The following USP53 variants were observed in gnomAD, a reference collection of about 807,000 sequenced individuals.
The protein encoded by USP53 is ubiquitin specific peptidase 53.
A neutral mutation model predicts 94.9 loss-of-function variants in USP53; 71 were observed. The ratio of observed to expected loss-of-function variants is 0.75; its 90% confidence interval spans 0.62 to 0.91. USP53 has a LOEUF of 0.91. Among genes scored for constraint, USP53 ranks in the 40% least tolerant of loss-of-function variants. The pLI, the probability that USP53 is intolerant of heterozygous loss-of-function variation, is 0.00. For missense variants in USP53, 1,173 were observed against 1,281.0 expected, an observed-to-expected ratio of 0.92 and a Z score of 1.29; for synonymous variants, 375 against 422.7, an observed-to-expected ratio of 0.89 and a Z score of 1.39.
Position 119,214,131 on chromosome 4 carries a change from A to AC in USP53, c.-880_-879insC, listed in dbSNP as rs1450913378. 2 of 151,736 alleles carry AC rather than the reference A, an allele frequency of 1.3e-5. No individual in the cohort carries two copies. The highest frequency in any genetic ancestry group is 4.8e-5 in the African/African-American group (2 of 41,322). 9.4% of individuals were successfully genotyped at this position (151,736 alleles called of 1,614,324 possible). On this transcript the variant is annotated 5_prime_UTR_variant, in exon 2 of 19. Coordinates refer to ENST00000692078, the MANE Select transcript of USP53 (RefSeq NM_001371395.1). ...TGTTAAAGATAAATTAAAAAAAAAA[A>AC]AAAAAAACCAAAGGGAACAAAACTT...
At chr4:119,220,678 T>G (rs1744393014) in intron 3 of USP53, 1 of 152,246 alleles carries the variant, frequency 6.6e-6, no homozygotes, top group South Asian at 2.1e-4. Flanking sequence ...AATATATTTA[T>G]GTATTTAAAC....
Position 119,291,965 on chromosome 4 carries a change from G to A in USP53, c.2349-373G>A, listed in dbSNP as rs548669234. Among the ~76,000 whole-genome samples the A allele has an allele frequency of 1.2e-4, 18 of 152,166 alleles. No homozygotes were observed. In the South Asian group the frequency reaches 3.5e-3, roughly 30 times the overall value. Reference sequence around the variant, plus strand: ...CCTTTAAAGTTTGGAATGTTGGTGGGGAGATGTTTTAGAGTACTGTTTGAC... The same window carrying A: ...CCTTTAAAGTTTGGAATGTTGGTGGAGAGATGTTTTAGAGTACTGTTTGAC... On this transcript the variant is annotated intron_variant, in intron 18 of 18. Transcript: ENST00000692078.
chr4:119,274,187 C>T (rs1036067182), intron 17 of USP53, among the ~76,000 whole-genome samples: 13 of 151,118 alleles, frequency 8.6e-5, no homozygotes, highest in Non-Finnish European at 1.5e-4. Context: ...CATGCTGGTG[C>T]GCTGCACCAC....
chr4:119,251,567 T>TC (rs1409485296), intron 7 of USP53, among the ~76,000 whole-genome samples: 1 of 152,184 alleles, frequency 6.6e-6, no homozygotes. Context: ...CCAGCATCTG[T>TC]TGTTTCTTGA....
Position 119,293,018 on chromosome 4 carries a change from A to ACTCAGG in USP53, c.3030_3035dup (p.Ser1011_Gly1012dup). On this transcript the variant is annotated inframe_insertion, in exon 19 of 19. Transcript: ENST00000692078. ...TCCTCAACTAACGATTTTCAGGCAA[A>ACTCAGG]CTCAGGTGCCATTGATGCATTTTGC... The ACTCAGG allele has an allele frequency of 1.9e-6, 3 of 1,614,004 alleles. No individual in the cohort carries two copies. The highest frequency in any genetic ancestry group is 2.5e-6 in the Non-Finnish European group (3 of 1,179,956).
rs1170764129 is a variant in USP53, at chr4:119,239,847, A to G, written c.88A>G (p.Lys30Glu). The change falls in exon 5 of 19, where the codon AAA becomes GAA. Residue 30 changes from lysine (K) to glutamate (E), a missense_variant. Coordinates refer to ENST00000692078, the MANE Select transcript of USP53 (RefSeq NM_001371395.1). ...AAGTATGCTATCACTAGCCCCTACC[A>G]AAGGCTTGTTAAATGAACCAGGACA... ...PGSMLSLAPT[K>E]GLLNEPGQNS... 4 of 1,612,626 alleles carry G rather than the reference A, an allele frequency of 2.5e-6. No homozygotes were observed. The East Asian group carries it at 6.7e-5, about 27-fold the overall frequency.
intron 17 of USP53, among the ~76,000 whole-genome samples, chr4:119,286,632 TAAG>T (rs1754148348): frequency 6.6e-6 from 1 of 152,066 alleles, no homozygotes; most frequent in African/African-American, 2.4e-5. Flanking sequence ...AAGAATTACT[TAAG>T]AACTAAATAT....
chr4:119,228,065 T>C (rs1192264687), intron 3 of USP53, among the ~76,000 whole-genome samples: 1 of 152,214 alleles, frequency 6.6e-6, no homozygotes, highest in Non-Finnish European at 1.5e-5. Context: ...CCACAACAGC[T>C]TAAAACAATG....
At position 119,261,785 on chromosome 4, in the gene USP53, C is replaced by T; in HGVS notation, c.893C>T (p.Thr298Ile). The T allele has an allele frequency of 6.5e-7, 1 of 1,539,100 alleles. No homozygotes were observed. The highest frequency in any genetic ancestry group is 8.9e-7 in the Non-Finnish European group (1 of 1,128,162). Reference protein sequence around the residue: ...ELNLVGMICYTSQHYCAFAFH... With the variant: ...ELNLVGMICYISQHYCAFAFH... The stretch of plus-strand genomic sequence containing the variant: ...AACCTTGTTGGTATGATCTGCTACA[C>T]CAGCCAACATTATTGTGCCTTTGCA... Residue 298 changes from threonine (T) to isoleucine (I), a missense_variant, in exon 12 of 19, where the codon ACC (threonine) becomes ATC (isoleucine). Transcript: ENST00000692078.
intron 4 of USP53, among the ~76,000 whole-genome samples, chr4:119,236,341 G>A (rs1042097187): frequency 6.6e-6 from 1 of 152,204 alleles, no homozygotes; most frequent in African/African-American, 2.4e-5. Flanking sequence ...GTGGTAGAGG[G>A]TCTCGCCTTG....
In USP53 at chr4:119,275,418, C is replaced by T. The variant is rs945230577; in HGVS notation, c.2251+1710C>T. Among the ~76,000 whole-genome samples the T allele has an allele frequency of 1.2e-4, 16 of 133,334 alleles. 1 individual carries two copies. The highest frequency in any genetic ancestry group is 1.1e-3 in the East Asian group (5 of 4,516). 87.5% of individuals were successfully genotyped at this position (133,334 alleles called of 152,430 possible). On this transcript the variant is annotated intron_variant, in intron 17 of 18. Coordinates refer to ENST00000692078, the MANE Select transcript of USP53 (RefSeq NM_001371395.1). ...AGATCAGATAGTTCTAGATATGTGG[C>T]GTTATTTCTGAGGGCTCTGTTCTGT... is the stretch of plus-strand genomic sequence containing the variant.
intron 7 of USP53, among the ~76,000 whole-genome samples, chr4:119,254,662 A>T (rs1274153491): frequency 1.3e-5 from 2 of 152,184 alleles, no homozygotes; most frequent in African/African-American, 4.8e-5. Flanking sequence ...GCGATGGGTT[A>T]GAACATGCTC....
At chr4:119,272,516 C>G (rs556566368) in intron 16 of USP53, 1 of 153,368 alleles carries the variant, frequency 6.5e-6, no homozygotes, top group South Asian at 2.1e-4. Context: ...CAGGTTCAAG[C>G]GATTCTCCTG....
At chr4:119,240,820 C>T (rs750347725) in intron 5 of USP53, among the ~76,000 whole-genome samples, 4 of 152,106 alleles carry the variant, frequency 2.6e-5, no homozygotes, top group East Asian at 1.9e-4. Context: ...ACTCACCCAG[C>T]GAAAGAGAAG....
At chr4:119,218,809 C>G (rs1744141961) in intron 3 of USP53, 1 of 151,744 alleles carries the variant, frequency 6.6e-6, no homozygotes, top group Non-Finnish European at 1.5e-5. Flanking sequence ...CTTGGTATAA[C>G]TCTTCTGTTT....
At chr4:119,260,348 TAATC>T (rs61434981) in intron 10 of USP53, among the ~76,000 whole-genome samples, 155 bp from the exon 11 acceptor site, 4,921 of 152,274 alleles carry the variant, frequency 0.032, 266 homozygotes, top group African/African-American at 0.11. Flanking sequence ...ACTTCTTTTT[TAATC>T]AATAATTAAG....
chr4:119,291,247 T>C lies in USP53; in HGVS notation c.2334T>C (p.Asn778=). 2 of 1,385,902 alleles carry C rather than the reference T, an allele frequency of 1.4e-6. No homozygotes were observed. Among genetic ancestry groups the C allele is most frequent in the Non-Finnish European group, 1.9e-6 (2 of 1,050,532 alleles). 85.9% of individuals were successfully genotyped at this position (1,385,902 alleles called of 1,614,324 possible). The change falls in exon 18 of 19, where the codon AAT becomes AAC. Residue 778 remains asparagine (N), a synonymous_variant. Coordinates refer to ENST00000692078, the MANE Select transcript of USP53 (RefSeq NM_001371395.1). ...FHPESHLQIK[N]HLIKRSHVHE... Reference sequence around the variant, plus strand: ...CAGAATCACATTTACAAATAAAAAATCATTTGATAAAAAGGTAACCATATT... The same window carrying C: ...CAGAATCACATTTACAAATAAAAAACCATTTGATAAAAAGGTAACCATATT...
chr4:119,274,040 CTT>C (rs747886239), intron 17 of USP53, among the ~76,000 whole-genome samples: 1 of 124,100 alleles, frequency 8.1e-6, no homozygotes. Flanking sequence ...AGTTTGCAGC[CTT>C]TTTTTTTTTT....
intron 12 of USP53, among the ~76,000 whole-genome samples, chr4:119,264,024 C>T (rs1210828282): frequency 1.3e-5 from 2 of 152,174 alleles, no homozygotes; most frequent in African/African-American, 4.8e-5. Flanking sequence ...GAGATCGCGC[C>T]ACTGCACTTC....
Sources: allele counts gnomAD v4.1 joint callset (sites outside exome capture counted in the v4.1 genomes callset), GRCh38; gene constraint gnomAD v4.1.1; transcripts MANE v1.5; gene names NCBI Gene and HGNC (gene_info 2026-07-23, HGNC 2026-07-21).